Variants in GTPBP3 observed in about 807,000 individuals in gnomAD.
The protein encoded by GTPBP3 is GTP binding protein 3, mitochondrial, also known as 5-taurinomethyluridine-[tRNA] synthase subunit GTPB3, mitochondrial.
Under a neutral mutation model 42.0 loss-of-function variants are expected in GTPBP3, and 35 were observed. The ratio of observed to expected loss-of-function variants is 0.83; its 90% CI spans 0.64 to 1.10. GTPBP3 has a LOEUF of 1.10. GTPBP3 is among the 50% of genes least tolerant of loss of function. The pLI, the probability that GTPBP3 is intolerant of heterozygous loss-of-function variation, is 0.00. For missense variants in GTPBP3, 691 were observed against 685.2 expected (o/e 1.01, Z -0.09); for synonymous variants, 332 against 314.9 (o/e 1.05, Z -0.58).
chr19:17,340,671 C>T (rs372224858), intron 7 of GTPBP3, among the ~76,000 whole-genome samples: 36 of 150,892 alleles, frequency 2.4e-4, no homozygotes, highest in African/African-American at 7.8e-4. Flanking sequence ...TTGCTCTGCT[C>T]TTCCCCCTGC....
Position 17,337,909 on chromosome 19 carries a change from C to T in GTPBP3, c.54-99C>T, listed in dbSNP as rs771766982. 8.8e-6 allele frequency: 13 copies of T among 1,478,070 alleles called. No individual in the cohort carries two copies. In the East Asian group the frequency reaches 2.8e-4, roughly 32 times the overall value. 91.6% of individuals were successfully genotyped at this position (1,478,070 alleles called of 1,614,324 possible). ...TTGTGCATCCCCCAGCCGCAGAACC[C>T]CCCCACCTGGAGCATCTCGCGATCA... On this transcript the variant is annotated intron_variant, in intron 1 of 8. Coordinates refer to ENST00000324894, the MANE Select transcript of GTPBP3 (RefSeq NM_032620.4).
chr19:17,339,471 G>C lies in GTPBP3; in HGVS notation c.846G>C (p.Gly282=), dbSNP rs762246790. The change falls in exon 7 of 9, where the codon GGG becomes GGC. Residue 282 remains glycine, a synonymous_variant. Transcript: ENST00000324894. ...KPVSIVSPEP[G]TTRDVLETPV... Reference sequence around the variant, plus strand: ...TGTCCATCGTGTCCCCGGAGCCAGGGACCACCCGTGACGTGCTGGAGACCC... The same window carrying C: ...TGTCCATCGTGTCCCCGGAGCCAGGCACCACCCGTGACGTGCTGGAGACCC... The C allele has an allele frequency of 1.9e-6, 3 of 1,613,954 alleles. No individual in the cohort carries two copies. In the East Asian group the frequency reaches 6.7e-5, roughly 36 times the overall value.
In GTPBP3 at chr19:17,341,700, G is replaced by A; in HGVS notation, c.1476G>A (p.Lys492=). 1 of 1,573,024 alleles carries A rather than the reference G, an allele frequency of 6.4e-7. No homozygotes were observed. The highest frequency in any genetic ancestry group is 8.7e-7 in the Non-Finnish European group (1 of 1,153,850). ...TCTTCCAGGACTTCTGTGTGGGCAA[G>A]TGACGGGATCCAGGGAAGTCGCACC... ...DIIFQDFCVG[K] The change falls in exon 9 of 9, where the codon AAG becomes AAA. Residue 492 remains lysine (K), a synonymous_variant. Coordinates refer to ENST00000324894, the MANE Select transcript of GTPBP3 (RefSeq NM_032620.4).
In GTPBP3 at chr19:17,339,424, C is replaced by G. The variant is rs375149391; in HGVS notation, c.809-10C>G. The G allele has an allele frequency of 5.0e-6, 8 of 1,612,634 alleles. No homozygotes were observed. The Admixed American group carries it at 1.3e-4, about 27-fold the overall frequency. On this transcript the variant is annotated splice_polypyrimidine_tract_variant and intron_variant, in intron 6 of 8. Coordinates refer to ENST00000324894, the MANE Select transcript of GTPBP3 (RefSeq NM_032620.4). ...CTCCACCCTCTCCTCTTCTTCTGACCCTCCCCCAGGTCGGAAGCCTGTGTC... is the reference window on the plus strand; with the variant it reads ...CTCCACCCTCTCCTCTTCTTCTGACGCTCCCCCAGGTCGGAAGCCTGTGTC...
chr19:17,339,735 G>GTT, intron 7 of GTPBP3, 136 bp downstream of exon 7: 2 of 763,636 alleles, frequency 2.6e-6, no homozygotes, highest in East Asian at 3.2e-5. Flanking sequence ...CAGGGATTTG[G>GTT]TTCTTTTTTT....
Position 17,339,431 on chromosome 19 carries a change from C to T in GTPBP3, c.809-3C>T, listed in dbSNP as rs765057345. On this transcript the variant is annotated splice_polypyrimidine_tract_variant and splice_region_variant and intron_variant, in intron 6 of 8. Transcript: ENST00000324894. The stretch of plus-strand genomic sequence containing the variant: ...CTCTCCTCTTCTTCTGACCCTCCCC[C>T]AGGTCGGAAGCCTGTGTCCATCGTG... 35 of 1,613,084 alleles carry T rather than the reference C, an allele frequency of 2.2e-5. No homozygotes were observed. The East Asian group carries it at 6.2e-4, about 29-fold the overall frequency.
rs146343760 is a variant in GTPBP3 at position 17,338,634 on chromosome 19, G to A, written c.484G>A (p.Ala162Thr). The change falls in exon 4 of 9, where the codon GCG becomes ACG. Residue 162 changes from alanine (A) to threonine (T), a missense_variant. Physicochemically the swap from Ala to Thr is moderately conservative, Grantham distance 58. Coordinates refer to ENST00000324894, the MANE Select transcript of GTPBP3 (RefSeq NM_032620.4). ...KLNLTEVEGL[A>T]DLIHAETEAQ... is the part of the protein sequence containing the mutation. ...GAACCTGACCGAAGTGGAGGGGCTG[G>A]CGGACCTTATCCACGCGGAAACAGA... The A allele has an allele frequency of 1.1e-4, 179 of 1,614,044 alleles. No homozygotes were observed. The African/African-American group carries it at 2.2e-3, about 20-fold the overall frequency.
rs201654668 is a variant in GTPBP3 at position 17,341,734 on chromosome 19, G to A, written c.*31G>A. On this transcript the variant is annotated 3_prime_UTR_variant, in exon 9 of 9. Coordinates refer to ENST00000324894, the MANE Select transcript of GTPBP3 (RefSeq NM_032620.4). The stretch of plus-strand genomic sequence containing the variant: ...TCCAGGGAAGTCGCACCCAAGCTGC[G>A]TGGAGACCCAGGAGCCTCGGGGGAT... 1.3e-5 allele frequency: 20 copies of A among 1,527,124 alleles called. No homozygotes were observed. In the Admixed American group the frequency reaches 2.8e-4, roughly 21 times the overall value. The allele number at this position is 1,527,124 out of a possible 1,614,324, so 94.6% of individuals were successfully genotyped here.
At position 17,339,271 on chromosome 19, in the gene GTPBP3, G is replaced by A; in HGVS notation, c.808+5G>A. On this transcript the variant is annotated splice_donor_5th_base_variant and intron_variant, in intron 6 of 8. Transcript: ENST00000324894. ...GCAGCCTAGTGAACCTGCTCAGTGA[G>A]TAGGCGGCGGGAAGGGGGCGGGGCC... The A allele has an allele frequency of 1.7e-5, 27 of 1,597,014 alleles. No individual in the cohort carries two copies. Among genetic ancestry groups the A allele is most frequent in the Non-Finnish European group, 2.3e-5 (27 of 1,171,944 alleles).
intron 6 of GTPBP3, 82 bp from the exon 7 acceptor site, chr19:17,339,352 A>T (rs2074404429): frequency 2.5e-6 from 4 of 1,585,410 alleles, no homozygotes; most frequent in Non-Finnish European, 3.4e-6. Flanking sequence ...TCAGGTCTAA[A>T]GCTCCCTCCA....
chr19:17,337,034 A>C (rs2074374120), upstream of GTPBP3: 1 of 152,312 alleles, frequency 6.6e-6, no homozygotes, highest in African/African-American at 2.4e-5. Flanking sequence ...GGAAAAAGCA[A>C]GTAGGACTCT....
At position 17,341,663 on chromosome 19, in the gene GTPBP3, T is replaced by A. The variant is rs558425417; in HGVS notation, c.1439T>A (p.Ile480Asn). The A allele has an allele frequency of 6.3e-7, 1 of 1,599,578 alleles. No individual in the cohort carries two copies. Among genetic ancestry groups the A allele is most frequent in the Non-Finnish European group, 8.5e-7 (1 of 1,169,596 alleles). The change falls in exon 9 of 9, where the codon ATC becomes AAC. Residue 480 changes from isoleucine (I) to asparagine (N), a missense_variant. Physicochemically the swap from Ile to Asn is moderately radical, Grantham distance 149. Coordinates refer to ENST00000324894, the MANE Select transcript of GTPBP3 (RefSeq NM_032620.4). ...ACAGGTGGAGGGGGTACCGAGGAGA[T>A]CCTGGACATCATCTTCCAGGACTTC... ...RLTGGGGTEE[I>N]LDIIFQDFCV...
At position 17,338,291 on chromosome 19, in the gene GTPBP3, C is replaced by G. The variant is rs371594288; in HGVS notation, c.301+36C>G. 2.5e-5 allele frequency: 40 copies of G among 1,604,074 alleles called. No homozygotes were observed. In the African/African-American group the frequency reaches 3.1e-4, roughly 12 times the overall value. ...CCAGGTTCCGAGCCTCCTGTAGGTC[C>G]CATGACTCAGTTTCCCCCTTCCAAG... On this transcript the variant is annotated intron_variant, in intron 2 of 8. Transcript: ENST00000324894.
In GTPBP3 at chr19:17,341,655, C is replaced by T. The variant is rs763380482; in HGVS notation, c.1431C>T (p.Thr477=). Reference sequence around the variant, plus strand: ...CCCGGCTCACAGGTGGAGGGGGTACCGAGGAGATCCTGGACATCATCTTCC... The same window carrying T: ...CCCGGCTCACAGGTGGAGGGGGTACTGAGGAGATCCTGGACATCATCTTCC... The part of the protein sequence containing the change: ...HLTRLTGGGG[T]EEILDIIFQD... The change falls in exon 9 of 9, where the codon ACC becomes ACT. Residue 477 remains threonine (T), a synonymous_variant. Coordinates refer to ENST00000324894, the MANE Select transcript of GTPBP3 (RefSeq NM_032620.4). 27 of 1,606,578 alleles carry T rather than the reference C, an allele frequency of 1.7e-5. 1 individual carries two copies. In the South Asian group the frequency reaches 2.0e-4, roughly 12 times the overall value.
In GTPBP3 at chr19:17,338,169, C is replaced by A. The variant is rs542667981; in HGVS notation, c.215C>A (p.Pro72His). The A allele has an allele frequency of 1.9e-6, 3 of 1,592,850 alleles. No individual in the cohort carries two copies. The highest frequency in any genetic ancestry group is 2.6e-6 in the Non-Finnish European group (3 of 1,176,278). Reference protein sequence around the residue: ...LRILTAPRDLPLARHASLRLL... With the variant: ...LRILTAPRDLHLARHASLRLL... Reference sequence around the variant, plus strand: ...ATTCTCACAGCACCCCGAGACCTGCCCCTTGCTCGCCACGCCAGCCTGCGC... The same window carrying A: ...ATTCTCACAGCACCCCGAGACCTGCACCTTGCTCGCCACGCCAGCCTGCGC... The change falls in exon 2 of 9, where the codon CCC becomes CAC. Residue 72 changes from proline (P) to histidine (H), a missense_variant. Coordinates refer to ENST00000324894, the MANE Select transcript of GTPBP3 (RefSeq NM_032620.4).
chr19:17,338,602 G>A lies in GTPBP3; in HGVS notation c.452G>A (p.Gly151Glu), dbSNP rs1440015227. 2 of 1,614,074 alleles carry A rather than the reference G, an allele frequency of 1.2e-6. No individual in the cohort carries two copies. Among genetic ancestry groups the A allele is most frequent in the Admixed American group, 3.3e-5 (2 of 60,032 alleles). Residue 151 changes from glycine (G) to glutamate (E), a missense_variant, in exon 4 of 9, where the codon GGG becomes GAG. Gly to Glu is a moderately conservative substitution (Grantham distance 98, BLOSUM62 -2). Transcript: ENST00000324894. Reference protein sequence around the residue: ...GEFTRRAFANGKLNLTEVEGL... With the variant: ...GEFTRRAFANEKLNLTEVEGL... ...TTCACCAGACGGGCGTTCGCCAATG[G>A]GAAGCTGAACCTGACCGAAGTGGAG...
chr19:17,337,675 AG>A lies in GTPBP3; in HGVS notation c.53+15del. 1.5e-6 allele frequency: 2 copies of A among 1,347,222 alleles called. No homozygotes were observed. Among genetic ancestry groups the A allele is most frequent in the South Asian group, 4.3e-5 (2 of 46,594 alleles). 83.5% of individuals were successfully genotyped at this position (1,347,222 alleles called of 1,614,324 possible). On this transcript the variant is annotated intron_variant, in intron 1 of 8. Coordinates refer to ENST00000324894, the MANE Select transcript of GTPBP3 (RefSeq NM_032620.4). The stretch of plus-strand genomic sequence containing the variant: ...ACGTGGGCCTCGCAGGTGGGGCTAC[AG>A]GGGAAGGGGTGCGACAGCTTGGGGT...
chr19:17,338,484 C>T, intron 3 of GTPBP3, 33 bp downstream of exon 3: 1 of 1,613,422 alleles, frequency 6.2e-7, no homozygotes. Context: ...ATGCTTGGTC[C>T]TCCCAATGGG....
At chr19:17,337,791 G>A in intron 1 of GTPBP3, 127 bp downstream of exon 1, 3 of 1,280,722 alleles carry the variant, frequency 2.3e-6, no homozygotes, top group African/African-American at 1.5e-5. Flanking sequence ...TGCCTCAATC[G>A]TTCATGACCC....
Sources: allele counts gnomAD v4.1 joint callset (sites outside exome capture counted in the v4.1 genomes callset), GRCh38; gene constraint gnomAD v4.1.1; transcripts MANE v1.5; gene names NCBI Gene and HGNC (gene_info 2026-07-23, HGNC 2026-07-21).